The following PIP4K2A variants were observed in gnomAD, a reference collection of about 807,000 sequenced individuals.
The protein encoded by PIP4K2A is phosphatidylinositol-5-phosphate 4-kinase type 2 alpha, also known as phosphatidylinositol 5-phosphate 4-kinase type-2 alpha.
Under a neutral mutation model 42.9 loss-of-function variants are expected in PIP4K2A, and 14 were observed. That is an observed-to-expected ratio of 0.33 (90% CI 0.22 to 0.51). PIP4K2A has a LOEUF of 0.51. Among genes scored for constraint, PIP4K2A ranks in the 20% least tolerant of loss-of-function variants. PIP4K2A has a pLI of 0.97. For synonymous variants in PIP4K2A, 192 were observed against 192.2 expected, an observed-to-expected ratio of 1.00 and a Z score of 0.01; for missense variants, 434 against 519.8, an observed-to-expected ratio of 0.83 and a Z score of 1.61.
chr10:22,637,995 T>G (rs761461463), intron 1 of PIP4K2A, among the ~76,000 whole-genome samples: 12 of 152,216 alleles, frequency 7.9e-5, no homozygotes, highest in Non-Finnish European at 1.5e-4. Flanking sequence ...AAATCTGCTC[T>G]TTGGAGATAC....
intron 4 of PIP4K2A, among the ~76,000 whole-genome samples, chr10:22,586,555 G>C (rs1378747095): frequency 6.6e-6 from 1 of 151,762 alleles, no homozygotes; most frequent in East Asian, 1.9e-4. Flanking sequence ...TTTCGAAACG[G>C]AGTCTCGTTC....
intron 1 of PIP4K2A, among the ~76,000 whole-genome samples, chr10:22,617,717 G>A (rs986350210): frequency 3.3e-5 from 5 of 152,144 alleles, no homozygotes; most frequent in Admixed American, 3.3e-4. Context: ...GGCGGAAGTG[G>A]CAGGGGGCCT....
intron 1 of PIP4K2A, among the ~76,000 whole-genome samples, chr10:22,622,456 T>C (rs766947211): frequency 2.0e-5 from 3 of 152,196 alleles, no homozygotes; most frequent in Non-Finnish European, 4.4e-5. Context: ...GAGGAGCCAG[T>C]TACCATCTGT....
chr10:22,615,590 T>G (rs1008747478), intron 1 of PIP4K2A, among the ~76,000 whole-genome samples: 4 of 152,222 alleles, frequency 2.6e-5, no homozygotes, highest in Non-Finnish European at 4.4e-5. Flanking sequence ...CCAAACAGTT[T>G]TTAATTCATG....
At chr10:22,679,672 T>A (rs1012662020) in intron 1 of PIP4K2A, among the ~76,000 whole-genome samples, 1 of 152,100 alleles carries the variant, frequency 6.6e-6, no homozygotes. Context: ...CATTAATGGG[T>A]GAAAGGATAA....
At chr10:22,539,782 C>T (rs1836043080) in intron 9 of PIP4K2A, 189 bp downstream of exon 9, 1 of 598,346 alleles carries the variant, frequency 1.7e-6, no homozygotes, top group Non-Finnish European at 3.0e-6. Flanking sequence ...CATGACTTGC[C>T]CCCAGGGAAC....
intron 1 of PIP4K2A, among the ~76,000 whole-genome samples, chr10:22,666,516 T>C (rs1839356035): frequency 6.6e-6 from 1 of 152,194 alleles, no homozygotes; most frequent in Admixed American, 6.5e-5. Context: ...TATTATCAAA[T>C]ACTTAAGTAG....
At chr10:22,611,364 T>C (rs1838033352) in intron 1 of PIP4K2A, among the ~76,000 whole-genome samples, 1 of 151,120 alleles carries the variant, frequency 6.6e-6, no homozygotes, top group Non-Finnish European at 1.5e-5. Flanking sequence ...CACTCCAGCC[T>C]GGGTGACAGA....
intron 1 of PIP4K2A, among the ~76,000 whole-genome samples, chr10:22,663,004 C>A (rs1375910926): frequency 6.6e-6 from 1 of 152,160 alleles, no homozygotes; most frequent in African/African-American, 2.4e-5. Context: ...CTGATGAATC[C>A]AAAAATCTGG....
At chr10:22,607,887 C>A (rs756922571) in intron 3 of PIP4K2A, 40 bp downstream of exon 3, 18 of 1,304,386 alleles carry the variant, frequency 1.4e-5, no homozygotes, top group East Asian at 2.3e-5. Context: ...ATGGCAAAAC[C>A]CATTTCCTAC....
At chr10:22,609,501 T>C (rs1356249289) in intron 2 of PIP4K2A, 119 bp downstream of exon 2, 19 of 680,286 alleles carry the variant, frequency 2.8e-5, no homozygotes. Flanking sequence ...ATCACAGGAT[T>C]AACTTCATCA....
intron 1 of PIP4K2A, among the ~76,000 whole-genome samples, chr10:22,702,650 C>G (rs1006084656): frequency 1.3e-5 from 2 of 152,120 alleles, no homozygotes; most frequent in African/African-American, 4.8e-5. Context: ...AGTTTTTCCC[C>G]ACTCTCTAAC....
chr10:22,622,219 T>C (rs1359300497), intron 1 of PIP4K2A, among the ~76,000 whole-genome samples: 3 of 152,214 alleles, frequency 2.0e-5, no homozygotes, highest in Non-Finnish European at 4.4e-5. Flanking sequence ...GAGACAAAGC[T>C]GCTACCTCTG....
chr10:22,579,952 C>T (rs1351546330), intron 4 of PIP4K2A, among the ~76,000 whole-genome samples: 1 of 151,608 alleles, frequency 6.6e-6, no homozygotes, highest in Non-Finnish European at 1.5e-5. Context: ...AAAAGACAAC[C>T]CATTCTGATG....
At position 22,593,347 on chromosome 10, in the gene PIP4K2A, GA is replaced by G. The variant is rs35283574; in HGVS notation, c.340-1567del. Among the ~76,000 whole-genome samples the G allele has an allele frequency of 1.7e-3, 253 of 146,366 alleles. 2 individuals are homozygous for G. Among genetic ancestry groups the G allele is most frequent in the African/African-American group, 4.9e-3 (195 of 40,144 alleles). ...AGCTTATTAGAAAACTTGAGAGAAG[GA>G]AAAAAAAAAATCTACATAATCCCCA... On this transcript the variant is annotated intron_variant, in intron 3 of 9. Coordinates refer to ENST00000376573, the MANE Select transcript of PIP4K2A (RefSeq NM_005028.5).
intron 1 of PIP4K2A, among the ~76,000 whole-genome samples, chr10:22,662,086 T>C (rs1456061235): frequency 6.6e-6 from 1 of 152,214 alleles, no homozygotes; most frequent in African/African-American, 2.4e-5. Flanking sequence ...AACAAAAATG[T>C]ACCCACCATT....
At chr10:22,603,832 AG>A (rs1837847268) in intron 3 of PIP4K2A, among the ~76,000 whole-genome samples, 1 of 152,240 alleles carries the variant, frequency 6.6e-6, no homozygotes, top group African/African-American at 2.4e-5. Flanking sequence ...ACACCTTTAA[AG>A]TATGACGATG....
At chr10:22,614,153 C>T (rs1006988927) in intron 1 of PIP4K2A, among the ~76,000 whole-genome samples, 2 of 152,150 alleles carry the variant, frequency 1.3e-5, no homozygotes, top group Non-Finnish European at 2.9e-5. Context: ...CAGGGAAACA[C>T]AAACTTTTAG....
At chr10:22,565,903 A>G (rs185040046) in intron 6 of PIP4K2A, among the ~76,000 whole-genome samples, 2 of 152,284 alleles carry the variant, frequency 1.3e-5, no homozygotes, top group East Asian at 3.9e-4. Flanking sequence ...TCAGTCTCCC[A>G]TAGCGCTCCC....
Sources: allele counts gnomAD v4.1 joint callset (sites outside exome capture counted in the v4.1 genomes callset), GRCh38; gene constraint gnomAD v4.1.1; transcripts MANE v1.5; gene names NCBI Gene and HGNC (gene_info 2026-07-23, HGNC 2026-07-21).